The following PRKCB variants were observed in gnomAD, a reference collection of about 807,000 sequenced individuals.
PRKCB encodes the protein protein kinase C beta, also known as protein kinase C beta type.
A neutral mutation model predicts 81.5 loss-of-function variants in PRKCB; 13 were observed. That is an observed-to-expected ratio of 0.16 (90% CI 0.10 to 0.25). The LOEUF is 0.25. PRKCB is among the 10% of genes least tolerant of loss of function. The probability of loss-of-function intolerance (pLI) is 1.00; values close to 1 mark genes in which losing one functional copy is unlikely to be tolerated. For synonymous variants in PRKCB, 335 were observed against 321.4 expected (o/e 1.04, Z -0.45); for missense variants, 509 against 875.7 (o/e 0.58, Z 5.29).
intron 5 of PRKCB, among the ~76,000 whole-genome samples, chr16:24,091,653 C>T (rs1324921497): frequency 2.6e-5 from 4 of 152,052 alleles, no homozygotes; most frequent in African/African-American, 9.7e-5. Context: ...CTCTGTCGCC[C>T]AGGCTGGAGT....
intron 2 of PRKCB, among the ~76,000 whole-genome samples, chr16:23,939,808 C>T (rs1168516238): frequency 6.6e-6 from 1 of 152,174 alleles, no homozygotes; most frequent in Admixed American, 6.5e-5. Flanking sequence ...ATTTCTTAGA[C>T]TTTACACCAA....
At chr16:23,901,703 T>C (rs1275637584) in intron 2 of PRKCB, among the ~76,000 whole-genome samples, 1 of 152,140 alleles carries the variant, frequency 6.6e-6, no homozygotes, top group Non-Finnish European at 1.5e-5. Context: ...TCTGAGACTG[T>C]GAGGTTCTCT....
At chr16:23,979,326 CT>C (rs957030879) in intron 2 of PRKCB, among the ~76,000 whole-genome samples, 3 of 152,164 alleles carry the variant, frequency 2.0e-5, no homozygotes, top group African/African-American at 7.2e-5. Flanking sequence ...ATAAATGAAC[CT>C]TCATTGAGAA....
At chr16:24,111,644 A>G (rs192638826) in intron 7 of PRKCB, among the ~76,000 whole-genome samples, 1 of 150,946 alleles carries the variant, frequency 6.6e-6, no homozygotes, top group African/African-American at 2.4e-5. Flanking sequence ...AAAAAAGAAA[A>G]AAAAAACAGC....
intron 2 of PRKCB, among the ~76,000 whole-genome samples, chr16:23,898,808 G>A (rs896165744): frequency 1.3e-5 from 2 of 152,170 alleles, no homozygotes; most frequent in African/African-American, 4.8e-5. Context: ...CTATTTGCCA[G>A]GGACCATGCG....
chr16:24,153,170 AC>A (rs1967104513), intron 9 of PRKCB, among the ~76,000 whole-genome samples: 1 of 151,774 alleles, frequency 6.6e-6, no homozygotes, highest in South Asian at 2.1e-4. Context: ...TCTATATGTC[AC>A]CCCTTCTAGC....
chr16:23,888,420 G>A (rs1213693042), intron 2 of PRKCB, among the ~76,000 whole-genome samples: 1 of 152,228 alleles, frequency 6.6e-6, no homozygotes, highest in Non-Finnish European at 1.5e-5. Context: ...GCAGGGCCAG[G>A]CCACAGGAGC....
rs1968202631 is a variant in PRKCB, at chr16:24,215,006, A to T, written c.*190A>T. ...ATCTCTATGAGATGGGATTATGCAG[A>T]TGGCCTATGGAAAATGCAGCTGCAT... On this transcript the variant is annotated 3_prime_UTR_variant, in exon 17 of 17. Coordinates refer to ENST00000643927, the MANE Select transcript of PRKCB (RefSeq NM_002738.7). 7.2e-7 allele frequency: 1 copy of T among 1,383,632 alleles called. No individual in the cohort carries two copies. The highest frequency in any genetic ancestry group is 9.3e-7 in the Non-Finnish European group (1 of 1,070,514). The allele number at this position is 1,383,632 out of a possible 1,614,324, so 85.7% of individuals were successfully genotyped here.
At chr16:24,071,912 C>T (rs912290639) in intron 5 of PRKCB, among the ~76,000 whole-genome samples, 1 of 152,022 alleles carries the variant, frequency 6.6e-6, no homozygotes, top group African/African-American at 2.4e-5. Flanking sequence ...GAGGGGTCGT[C>T]GGCATCACTG....
chr16:23,847,018 A>G (rs1962381507), intron 2 of PRKCB, among the ~76,000 whole-genome samples: 1 of 152,094 alleles, frequency 6.6e-6, no homozygotes, highest in South Asian at 2.1e-4. Context: ...AGGAGAACTC[A>G]AACCCAGACC....
chr16:23,883,192 T>C (rs778096473), intron 2 of PRKCB, among the ~76,000 whole-genome samples: 2 of 152,036 alleles, frequency 1.3e-5, no homozygotes, highest in Non-Finnish European at 2.9e-5. Context: ...TGGCGATAAA[T>C]GTCATGATAC....
At position 23,983,307 on chromosome 16, in the gene PRKCB, T is replaced by G. The variant is rs182016358; in HGVS notation, c.206-5201T>G. Among the ~76,000 whole-genome samples the G allele has an allele frequency of 7.9e-5, 12 of 152,318 alleles. No individual in the cohort carries two copies. The East Asian group carries it at 2.3e-3, about 29-fold the overall frequency. ...TCAGAAACACACTGTGTAAAGGAATTACCTGCACCAGAAGCTCATGAGGTT... is the reference window on the plus strand; with the variant it reads ...TCAGAAACACACTGTGTAAAGGAATGACCTGCACCAGAAGCTCATGAGGTT... On this transcript the variant is annotated intron_variant, in intron 2 of 16. Coordinates refer to ENST00000643927, the MANE Select transcript of PRKCB (RefSeq NM_002738.7).
At chr16:23,871,305 A>T (rs1962899659) in intron 2 of PRKCB, among the ~76,000 whole-genome samples, 1 of 152,194 alleles carries the variant, frequency 6.6e-6, no homozygotes, top group African/African-American at 2.4e-5. Context: ...GCTGAATCAT[A>T]GTCATCTTTC....
At chr16:24,019,643 A>G (rs942119054) in intron 3 of PRKCB, among the ~76,000 whole-genome samples, 1 of 152,026 alleles carries the variant, frequency 6.6e-6, no homozygotes, top group African/African-American at 2.4e-5. Context: ...GTGCACCAGT[A>G]GTCCCAGACA....
intron 2 of PRKCB, among the ~76,000 whole-genome samples, chr16:23,902,041 G>A (rs184094135): frequency 1.3e-5 from 2 of 152,244 alleles, no homozygotes; most frequent in East Asian, 3.9e-4. Flanking sequence ...GTCTGGGTCT[G>A]TTGGAATTTT....
intron 2 of PRKCB, among the ~76,000 whole-genome samples, chr16:23,927,745 G>A (rs1963916073): frequency 6.6e-6 from 1 of 152,040 alleles, no homozygotes; most frequent in Non-Finnish European, 1.5e-5. Flanking sequence ...AGTCAGGGAT[G>A]GCTCCCTGGT....
At chr16:23,922,430 T>C (rs1963838731) in intron 2 of PRKCB, among the ~76,000 whole-genome samples, 1 of 152,242 alleles carries the variant, frequency 6.6e-6, no homozygotes, top group South Asian at 2.1e-4. Flanking sequence ...ATTAAAGACA[T>C]GGTATGGACC....
chr16:24,186,235 C>T (rs145572655), intron 15 of PRKCB, among the ~76,000 whole-genome samples: 3,702 of 152,248 alleles, frequency 0.024, 76 homozygotes, highest in Non-Finnish European at 0.033. Context: ...ACAGTGACTT[C>T]TGTGAGATCC....
intron 13 of PRKCB, among the ~76,000 whole-genome samples, chr16:24,182,583 T>C (rs1030980920): frequency 9.9e-5 from 15 of 152,168 alleles, no homozygotes; most frequent in Admixed American, 5.9e-4. Context: ...CAAGTCTTAT[T>C]TGATCCTCAT....
Sources: allele counts gnomAD v4.1 joint callset (sites outside exome capture counted in the v4.1 genomes callset), GRCh38; gene constraint gnomAD v4.1.1; transcripts MANE v1.5; gene names NCBI Gene and HGNC (gene_info 2026-07-23, HGNC 2026-07-21).